The following ARHGAP31 variants were observed in gnomAD, a reference collection of about 807,000 sequenced individuals.
The protein encoded by ARHGAP31 is Rho GTPase activating protein 31, also known as rho GTPase-activating protein 31.
Under a neutral mutation model 113.9 loss-of-function variants are expected in ARHGAP31, and 34 were observed. That is an observed-to-expected ratio of 0.30 (90% CI 0.23 to 0.40). The LOEUF (loss-of-function observed/expected upper bound fraction) is 0.40. Among genes scored for constraint, ARHGAP31 ranks in the 10% least tolerant of loss-of-function variants. ARHGAP31 has a pLI of 1.00. For missense variants in ARHGAP31, 1,548 were observed against 1,767.1 expected (o/e 0.88, Z 2.22); for synonymous variants, 650 against 684.8 (o/e 0.95, Z 0.79).
chr3:119,352,399 A>G (rs1157450129), intron 1 of ARHGAP31, among the ~76,000 whole-genome samples: 1 of 152,150 alleles, frequency 6.6e-6, no homozygotes, highest in Non-Finnish European at 1.5e-5. Context: ...AGACACTTTC[A>G]TCACTCTCAA....
chr3:119,414,286 C>T lies in ARHGAP31; in HGVS notation c.2357C>T (p.Pro786Leu), dbSNP rs1220721617. 3.7e-6 allele frequency: 6 copies of T among 1,614,192 alleles called. No homozygotes were observed. Among genetic ancestry groups the T allele is most frequent in the Non-Finnish European group, 5.1e-6 (6 of 1,180,026 alleles). Reference protein sequence around the residue: ...NLSPPLPPAPPPPTPLEESTP... With the variant: ...NLSPPLPPAPLPPTPLEESTP... Reference sequence around the variant, plus strand: ...TCTCCTCCACTCCCACCTGCTCCTCCCCCTCCAACTCCTCTGGAGGAGTCA... The same window carrying T: ...TCTCCTCCACTCCCACCTGCTCCTCTCCCTCCAACTCCTCTGGAGGAGTCA... The change falls in exon 12 of 12, where the codon CCC becomes CTC. Residue 786 changes from proline to leucine, a missense_variant. Coordinates refer to ENST00000264245, the MANE Select transcript of ARHGAP31 (RefSeq NM_020754.4).
Position 119,294,612 on chromosome 3 carries a change from G to A in ARHGAP31, c.-293G>A, listed in dbSNP as rs1224405487. The A allele has an allele frequency of 3.7e-6, 2 of 541,278 alleles. No homozygotes were observed. Among genetic ancestry groups the A allele is most frequent in the Non-Finnish European group, 6.4e-6 (2 of 311,932 alleles). The allele number at this position is 541,278 out of a possible 1,614,324, so 33.5% of individuals were successfully genotyped here. On this transcript the variant is annotated 5_prime_UTR_variant, in exon 1 of 12. Coordinates refer to ENST00000264245, the MANE Select transcript of ARHGAP31 (RefSeq NM_020754.4). ...GAAGACACCGCAGGAGCCTGTGAAA[G>A]TCCCTAGGACTCCAAGTGAGGAAGT...
At chr3:119,396,089 A>G (rs1440875026) in intron 8 of ARHGAP31, among the ~76,000 whole-genome samples, 1 of 152,222 alleles carries the variant, frequency 6.6e-6, no homozygotes, top group Non-Finnish European at 1.5e-5. Context: ...ATAACAAAAC[A>G]AAACAACAAA....
intron 1 of ARHGAP31, among the ~76,000 whole-genome samples, chr3:119,307,488 GTTTC>G (rs1172290371): frequency 6.6e-6 from 1 of 152,074 alleles, no homozygotes; most frequent in African/African-American, 2.4e-5. Context: ...ATCCCTAGGG[GTTTC>G]TTTCTCTAAG....
intron 10 of ARHGAP31, among the ~76,000 whole-genome samples, chr3:119,408,440 C>T (rs1277168150): frequency 6.6e-6 from 1 of 152,200 alleles, no homozygotes; most frequent in African/African-American, 2.4e-5. Context: ...AGTGAAGACA[C>T]CAGTGTAAAC....
At chr3:119,404,736 C>T (rs1397784352) in intron 10 of ARHGAP31, among the ~76,000 whole-genome samples, 1 of 152,090 alleles carries the variant, frequency 6.6e-6, no homozygotes, top group Non-Finnish European at 1.5e-5. Flanking sequence ...GTAGAGATAC[C>T]GAGTAAGTAG....
chr3:119,358,418 A>G (rs776840321), intron 1 of ARHGAP31, among the ~76,000 whole-genome samples: 10 of 152,204 alleles, frequency 6.6e-5, no homozygotes, highest in Non-Finnish European at 8.8e-5. Context: ...TGGCACAACT[A>G]TTGTGGAAAA....
chr3:119,328,080 T>C lies in ARHGAP31; in HGVS notation c.100+33076T>C, dbSNP rs577595795. On this transcript the variant is annotated intron_variant, in intron 1 of 11. Transcript: ENST00000264245. ...TCATATTAGAAATCCAGGAAAAATG[T>C]TTGATTTAAAAAATCAGATTTAAAA... is the stretch of plus-strand genomic sequence containing the variant. 8.5e-5 allele frequency among the ~76,000 whole-genome samples: 13 copies of C among 152,330 alleles called. No individual in the cohort carries two copies. In the South Asian group the frequency reaches 2.5e-3, roughly 29 times the overall value.
In ARHGAP31 at chr3:119,409,784, G is replaced by A. The variant is rs568507209; in HGVS notation, c.1926+8G>A. The stretch of plus-strand genomic sequence containing the variant: ...GTGCTTCTCCATGAGATGGTAAAGT[G>A]CATTCTCCACCTGCTCCAGCCAGGT... On this transcript the variant is annotated splice_region_variant and intron_variant, in intron 11 of 11. Coordinates refer to ENST00000264245, the MANE Select transcript of ARHGAP31 (RefSeq NM_020754.4). The A allele has an allele frequency of 6.3e-6, 10 of 1,593,786 alleles. No homozygotes were observed. Among genetic ancestry groups the A allele is most frequent in the South Asian group, 1.1e-5 (1 of 88,204 alleles).
chr3:119,360,316 G>A (rs529695756), intron 1 of ARHGAP31, among the ~76,000 whole-genome samples: 23 of 152,330 alleles, frequency 1.5e-4, no homozygotes, highest in Non-Finnish European at 2.8e-4. Flanking sequence ...GAGAGGGGAC[G>A]AAATCTGACC....
In ARHGAP31 at chr3:119,317,122, C is replaced by T. The variant is rs2079739142; in HGVS notation, c.100+22118C>T. On this transcript the variant is annotated intron_variant, in intron 1 of 11. Coordinates refer to ENST00000264245, the MANE Select transcript of ARHGAP31 (RefSeq NM_020754.4). ...TTTGTTTGATAAAAAATGCTCAGCA[C>T]TAATATGTAATGTGATGTTTTATGT... Among the ~76,000 whole-genome samples, 4 of 152,040 alleles carry T rather than the reference C, an allele frequency of 2.6e-5. No individual in the cohort carries two copies. The South Asian group carries it at 8.3e-4, about 31-fold the overall frequency.
intron 1 of ARHGAP31, among the ~76,000 whole-genome samples, chr3:119,363,421 G>A (rs1283567725): frequency 3.9e-5 from 6 of 152,078 alleles, no homozygotes; most frequent in Non-Finnish European, 4.4e-5. Flanking sequence ...CCCACGCTGT[G>A]CTCACTCCTA....
intron 6 of ARHGAP31, among the ~76,000 whole-genome samples, chr3:119,388,254 C>T (rs765033716): frequency 1.8e-4 from 26 of 146,656 alleles, no homozygotes; most frequent in Non-Finnish European, 2.8e-4. Flanking sequence ...TTTGCTATTA[C>T]GCATGACACA....
At position 119,383,141 on chromosome 3, in the gene ARHGAP31, G is replaced by A. The variant is rs766740253; in HGVS notation, c.597G>A (p.Arg199=). The change falls in exon 6 of 12, where the codon CGG becomes CGA. Residue 199 remains arginine, a synonymous_variant. Coordinates refer to ENST00000264245, the MANE Select transcript of ARHGAP31 (RefSeq NM_020754.4). The stretch of plus-strand genomic sequence containing the variant: ...GAGATGCAGCCTTCCTTGCAGTCCG[G>A]GTCCAGCAGGTGGTGATTGAGTTCA... ...CNGDAAFLAV[R]VQQVVIEFIL... The A allele has an allele frequency of 2.7e-5, 44 of 1,614,040 alleles. No individual in the cohort carries two copies. The highest frequency in any genetic ancestry group is 3.4e-5 in the Non-Finnish European group (40 of 1,180,026).
intron 6 of ARHGAP31, among the ~76,000 whole-genome samples, chr3:119,388,290 T>C (rs2080471149): frequency 9.5e-6 from 1 of 105,212 alleles, no homozygotes; most frequent in South Asian, 3.3e-4. Flanking sequence ...ATACATATAA[T>C]ATGTATATGT....
chr3:119,330,994 C>T (rs542431922), intron 1 of ARHGAP31, among the ~76,000 whole-genome samples: 2 of 152,332 alleles, frequency 1.3e-5, no homozygotes, highest in South Asian at 2.1e-4. Flanking sequence ...AGATCCACCA[C>T]GCTGCACATT....
At chr3:119,362,463 G>T (rs1248682661) in intron 1 of ARHGAP31, among the ~76,000 whole-genome samples, 1 of 152,276 alleles carries the variant, frequency 6.6e-6, no homozygotes, top group South Asian at 2.1e-4. Flanking sequence ...AGACACAACA[G>T]CCATTCTAAG....
intron 11 of ARHGAP31, among the ~76,000 whole-genome samples, chr3:119,411,513 A>G (rs4687853): frequency 0.58 from 88,601 of 152,034 alleles, 26,001 homozygotes; most frequent in African/African-American, 0.63. Context: ...CTGTGGGTCC[A>G]CTTACTGAGA....
rs754008141 is a variant in ARHGAP31, at chr3:119,383,184, C to G, written c.640C>G (p.Gln214Glu). ...VIEFILNHVDQIFNNGAPGSL... is the reference protein window; with the variant it reads ...VIEFILNHVDEIFNNGAPGSL... ...TGAGTTCATATTGAATCATGTAGATCAAATCTTTAACAACGGTGCACCTGG... is the reference window on the plus strand; with the variant it reads ...TGAGTTCATATTGAATCATGTAGATGAAATCTTTAACAACGGTGCACCTGG... Residue 214 changes from glutamine to glutamate, a missense_variant, in exon 6 of 12, where the codon CAA (glutamine) becomes GAA (glutamate). By Grantham distance (29) the Gln-to-Glu change is conservative. Coordinates refer to ENST00000264245, the MANE Select transcript of ARHGAP31 (RefSeq NM_020754.4). 1.1e-5 allele frequency: 17 copies of G among 1,614,004 alleles called. No individual in the cohort carries two copies. The highest frequency in any genetic ancestry group is 1.4e-5 in the Non-Finnish European group (17 of 1,180,028).
Sources: gnomAD v4.1 joint callset for allele counts (sites outside exome capture counted in the v4.1 genomes callset) on GRCh38, gnomAD v4.1.1 for gene constraint, MANE v1.5 for transcripts, NCBI Gene and HGNC (gene_info 2026-07-23, HGNC 2026-07-21) for gene names.